KCTD14: variants seen among roughly 807,000 people sequenced by gnomAD.
KCTD14 encodes the protein potassium channel tetramerization domain containing 14.
A neutral mutation model predicts 5.9 loss-of-function variants in KCTD14; 7 were observed. That is an observed-to-expected ratio of 1.19 (90% CI 0.68 to 2.23). The LOEUF is 2.23. Among genes scored for constraint, KCTD14 ranks in the 30% most tolerant of loss-of-function variants. The pLI is 0.00. For missense variants in KCTD14, 342 were observed against 332.2 expected, an observed-to-expected ratio of 1.03 and a Z score of -0.23; for synonymous variants, 140 against 133.1, an observed-to-expected ratio of 1.05 and a Z score of -0.36.
In KCTD14 at chr11:78,033,901, G is replaced by GTACATATATA. The variant is rs1555054301; in HGVS notation, c.-1+4762_-1+4763insTATATATGTA. On this transcript the variant is annotated intron_variant, in intron 2 of 2. Transcript: ENST00000533144. ...ATAGTGTGTGTGTATGTGTGTGTGTGTATATATATATATACACACATTATA... is the reference window on the plus strand; with the variant it reads ...ATAGTGTGTGTGTATGTGTGTGTGTGTACATATATATATATATATATATACACACATTATA... 9.0e-4 allele frequency among the ~76,000 whole-genome samples: 104 copies of GTACATATATA among 115,592 alleles called. 2 individuals are homozygous for GTACATATATA. Among genetic ancestry groups the GTACATATATA allele is most frequent in the African/African-American group, 3.5e-3 (99 of 28,592 alleles). 75.8% of individuals were successfully genotyped at this position (115,592 alleles called of 152,430 possible).
intron 2 of KCTD14, among the ~76,000 whole-genome samples, chr11:78,033,377 G>A (rs936077703): frequency 6.6e-6 from 1 of 152,082 alleles, no homozygotes; most frequent in Non-Finnish European, 1.5e-5. Flanking sequence ...ATATAGGAAG[G>A]TCACCAAGAT....
At chr11:78,026,399 C>T (rs1365563301), upstream of KCTD14, among the ~76,000 whole-genome samples, 2 of 151,804 alleles carry the variant, frequency 1.3e-5, no homozygotes, top group Non-Finnish European at 2.9e-5. Context: ...GCTGAGATCG[C>T]ACCATTACAC....
At chr11:78,038,824 A>G (rs1857898349) in intron 1 of KCTD14, 1 of 1,522,938 alleles carries the variant, frequency 6.6e-7, no homozygotes, top group Admixed American at 2.0e-5. Flanking sequence ...CCAGGAGTTC[A>G]GAGGGCCCAG....
intron 2 of KCTD14, among the ~76,000 whole-genome samples, chr11:78,029,134 A>G (rs1200613039): frequency 6.6e-6 from 1 of 150,980 alleles, no homozygotes; most frequent in East Asian, 1.9e-4. Context: ...GCAGTGAGCC[A>G]AGACCATGCC....
At chr11:78,041,678 C>T (rs938565652) in intron 1 of KCTD14, among the ~76,000 whole-genome samples, 7 of 152,332 alleles carry the variant, frequency 4.6e-5, no homozygotes, top group Admixed American at 2.0e-4. Context: ...ATGTTTGTTA[C>T]GGCTCGAGCT....
chr11:78,029,758 A>G (rs1385645530), intron 2 of KCTD14, among the ~76,000 whole-genome samples: 1 of 151,782 alleles, frequency 6.6e-6, no homozygotes, highest in African/African-American at 2.4e-5. Flanking sequence ...CAGTTCCACA[A>G]GGAATCTCAG....
In KCTD14 at chr11:78,023,216, C is replaced by T. The variant is rs1320974582; in HGVS notation, c.34G>A (p.Gly12Ser). ...AGAGGGGTCTGGCTCGTCATCCTGC[C>T]CACTGGCCGCTCCACTGCGCAGCCC... The part of the protein sequence containing the change: ...WQGCAVERPV[G>S]RMTSQTPLPQ... Residue 12 changes from glycine (G) to serine (S), a missense_variant, in exon 1 of 2, where the codon GGC becomes AGC. Coordinates refer to ENST00000353172, the MANE Select transcript of KCTD14 (RefSeq NM_023930.4). The T allele has an allele frequency of 1.2e-6, 2 of 1,608,164 alleles. No individual in the cohort carries two copies. Among genetic ancestry groups the T allele is most frequent in the East Asian group, 4.5e-5 (2 of 44,672 alleles).
At chr11:78,029,948 A>AT (rs928261148) in intron 2 of KCTD14, among the ~76,000 whole-genome samples, 2 of 151,270 alleles carry the variant, frequency 1.3e-5, no homozygotes, top group African/African-American at 2.4e-5. Flanking sequence ...CGCCTGGCTA[A>AT]TTTTTTTTGT....
rs180864893 is a variant in KCTD14 at position 78,018,429 on chromosome 11, G to A, written c.91-1159C>T. 1.9e-4 allele frequency among the ~76,000 whole-genome samples: 29 copies of A among 151,710 alleles called. No homozygotes were observed. The East Asian group carries it at 2.3e-3, about 12-fold the overall frequency. ...AAAATTTTTTTTTTAAGTAAAGGCCGGGCATGGTGCCTCACGCCTATAATC... is the reference window on the plus strand; with the variant it reads ...AAAATTTTTTTTTTAAGTAAAGGCCAGGCATGGTGCCTCACGCCTATAATC... On this transcript the variant is annotated intron_variant, in intron 1 of 1. Transcript: ENST00000353172.
chr11:78,041,065 A>T (rs913742076), intron 1 of KCTD14, among the ~76,000 whole-genome samples: 4 of 152,146 alleles, frequency 2.6e-5, no homozygotes, highest in Non-Finnish European at 5.9e-5. Flanking sequence ...AGCCAGGTTG[A>T]CCCAGGCACT....
At chr11:78,039,627 C>T (rs1033056036) in intron 1 of KCTD14, among the ~76,000 whole-genome samples, 4 of 151,274 alleles carry the variant, frequency 2.6e-5, no homozygotes, top group Non-Finnish European at 5.9e-5. Flanking sequence ...AATAGCTAGG[C>T]ATGTTGATAT....
At chr11:78,033,901 G>GTGTGTATATATATATATA in intron 2 of KCTD14, among the ~76,000 whole-genome samples, 3,364 of 115,344 alleles carry the variant, frequency 0.029, 67 homozygotes, top group Admixed American at 0.037. Context: ...GTGTGTGTGT[G>GTGTGTATATATATATATA]TATATATATA....
At chr11:78,040,694 G>C (rs1484969070) in intron 1 of KCTD14, among the ~76,000 whole-genome samples, 1 of 151,240 alleles carries the variant, frequency 6.6e-6, no homozygotes, top group East Asian at 1.9e-4. Context: ...TTTTGAGATG[G>C]AGTTTCACTC....
intron 1 of KCTD14, among the ~76,000 whole-genome samples, chr11:78,041,787 C>T (rs915337697): frequency 1.8e-4 from 28 of 152,382 alleles, no homozygotes; most frequent in Admixed American, 5.2e-4. Flanking sequence ...GCGAGACTCC[C>T]GTTGCCACTC....
chr11:78,016,964 C>T lies in KCTD14; in HGVS notation c.397G>A (p.Val133Met), dbSNP rs995372019. The T allele has an allele frequency of 1.2e-6, 2 of 1,614,252 alleles. No homozygotes were observed. The highest frequency in any genetic ancestry group is 1.7e-6 in the Non-Finnish European group (2 of 1,180,056). The change falls in exon 2 of 2, where the codon GTG becomes ATG. Residue 133 changes from valine (V) to methionine (M), a missense_variant. Coordinates refer to ENST00000353172, the MANE Select transcript of KCTD14 (RefSeq NM_023930.4). The stretch of plus-strand genomic sequence containing the variant: ...TGCAGCAAAAACTGCTTCCGAGACA[C>T]CTGCTCACCAAAGATCTGTGGCATG... The part of the protein sequence containing the change: ...EDMPQIFGEQ[V>M]SRKQFLLQVP...
At position 78,017,221 on chromosome 11, in the gene KCTD14, G is replaced by A; in HGVS notation, c.140C>T (p.Thr47Ile). The A allele has an allele frequency of 6.2e-7, 1 of 1,611,772 alleles. No homozygotes were observed. The highest frequency in any genetic ancestry group is 8.5e-7 in the Non-Finnish European group (1 of 1,178,092). ...LNVGGEFHTTTLGTLRKFPGS... is the reference protein window; with the variant it reads ...LNVGGEFHTTILGTLRKFPGS... ...CGGAAACTTCCTCAGGGTACCCAGG[G>A]TGGTGGTGTGGAACTCACCCCCGAC... The change falls in exon 2 of 2, where the codon ACC becomes ATC. Residue 47 changes from threonine to isoleucine, a missense_variant. Coordinates refer to ENST00000353172, the MANE Select transcript of KCTD14 (RefSeq NM_023930.4).
chr11:78,037,712 G>A (rs1164221485), intron 2 of KCTD14, among the ~76,000 whole-genome samples: 3 of 151,972 alleles, frequency 2.0e-5, no homozygotes, highest in Admixed American at 2.0e-4. Context: ...CCAGCTGCTC[G>A]GGAGGCTGAG....
rs749252109 is a variant in KCTD14, at chr11:78,017,120, G to A, written c.241C>T (p.Arg81Cys). Residue 81 changes from arginine to cysteine, a missense_variant, in exon 2 of 2, where the codon CGC (arginine) becomes TGC (cysteine). Arg to Cys is a radical substitution (Grantham distance 180). Transcript: ENST00000353172. Reference protein sequence around the residue: ...TDAEGRFFIDRPSTYFRPILD... With the variant: ...TDAEGRFFIDCPSTYFRPILD... ...ATGGGTCTGAAATAGGTGCTGGGGCGGTCGATGAAGAAGCGGCCCTCCGCG... is the reference window on the plus strand; with the variant it reads ...ATGGGTCTGAAATAGGTGCTGGGGCAGTCGATGAAGAAGCGGCCCTCCGCG... 11 of 1,614,020 alleles carry A rather than the reference G, an allele frequency of 6.8e-6. No homozygotes were observed. Among genetic ancestry groups the A allele is most frequent in the South Asian group, 4.4e-5 (4 of 91,088 alleles).
chr11:78,022,891 T>G, intron 1 of KCTD14: 1 of 452,564 alleles, frequency 2.2e-6, no homozygotes. Context: ...AGACCCAATG[T>G]AGAGGGAGGA....
Sources: gnomAD v4.1 joint callset for allele counts (sites outside exome capture counted in the v4.1 genomes callset) on GRCh38, gnomAD v4.1.1 for gene constraint, MANE v1.5 for transcripts, NCBI Gene and HGNC (gene_info 2026-07-23, HGNC 2026-07-21) for gene names.